SHANK2: variants seen among roughly 807,000 people sequenced by gnomAD.
SHANK2 encodes the protein SH3 and multiple ankyrin repeat domains 2.
A neutral mutation model predicts 133.7 loss-of-function variants in SHANK2; 43 were observed. The observed-to-expected ratio is 0.32, with a 90% confidence interval of 0.25 to 0.41. The LOEUF (loss-of-function observed/expected upper bound fraction) is 0.41, where lower values mean the gene tolerates loss of function less well. Among genes scored for constraint, SHANK2 ranks in the 10% least tolerant of loss-of-function variants. The pLI is 1.00. For missense variants in SHANK2, 1,994 were observed against 2,235.8 expected (o/e 0.89, Z 2.18); for synonymous variants, 1,017 against 952.8 (o/e 1.07, Z -1.24).
chr11:70,506,567 C>G (rs2059139889), intron 17 of SHANK2, among the ~76,000 whole-genome samples: 1 of 152,172 alleles, frequency 6.6e-6, no homozygotes, highest in African/African-American at 2.4e-5. Context: ...ATCTGATGCC[C>G]CTCTGACGTC....
intron 17 of SHANK2, 68 bp from the exon 18 acceptor site, chr11:70,502,999 A>G: frequency 6.4e-7 from 1 of 1,571,010 alleles, no homozygotes; most frequent in Non-Finnish European, 8.8e-7. Context: ...GCACCCACCC[A>G]AGGCAGAGAC....
At chr11:70,663,526 G>A (rs552988999) in intron 15 of SHANK2, among the ~76,000 whole-genome samples, 12 of 152,312 alleles carry the variant, frequency 7.9e-5, no homozygotes, top group African/African-American at 1.7e-4. Flanking sequence ...TCAGAGGGTC[G>A]TGCATGGAGG....
intron 2 of SHANK2, among the ~76,000 whole-genome samples, chr11:71,223,204 T>C (rs1477724853): frequency 6.6e-6 from 1 of 152,244 alleles, no homozygotes; most frequent in African/African-American, 2.4e-5. Flanking sequence ...CCAACTGCGA[T>C]GGTGGCCAGG....
chr11:70,712,664 T>G (rs1945815324), intron 14 of SHANK2, among the ~76,000 whole-genome samples: 3 of 152,236 alleles, frequency 2.0e-5, no homozygotes, highest in African/African-American at 7.2e-5. Context: ...TCCTGGAGAC[T>G]CCTCCTGCAA....
chr11:70,534,684 T>A (rs1478700154), intron 17 of SHANK2, among the ~76,000 whole-genome samples: 1 of 152,178 alleles, frequency 6.6e-6, no homozygotes, highest in Admixed American at 6.5e-5. Context: ...CTAAGACTGC[T>A]GGGGAGTCCA....
intron 12 of SHANK2, among the ~76,000 whole-genome samples, chr11:70,814,458 C>A (rs1285133623): frequency 6.6e-6 from 1 of 152,206 alleles, no homozygotes; most frequent in African/African-American, 2.4e-5. Flanking sequence ...CAAGCAGGAG[C>A]CGCAGTCCTG....
chr11:70,520,006 C>T (rs1371329539), intron 17 of SHANK2, among the ~76,000 whole-genome samples: 1 of 151,814 alleles, frequency 6.6e-6, no homozygotes, highest in Non-Finnish European at 1.5e-5. Flanking sequence ...CCTCAGCCTC[C>T]CAAAGTGTTG....
At position 70,472,855 on chromosome 11, in the gene SHANK2, G is replaced by A. The variant is rs1555148951; in HGVS notation, c.*14C>T. The A allele has an allele frequency of 1.2e-6, 2 of 1,612,418 alleles. No homozygotes were observed. The highest frequency in any genetic ancestry group is 1.7e-6 in the Non-Finnish European group (2 of 1,178,410). On this transcript the variant is annotated 3_prime_UTR_variant, in exon 26 of 26. Coordinates refer to ENST00000601538, the MANE Select transcript of SHANK2 (RefSeq NM_012309.5). This position sits in a 1 kb window ranked among gnomAD's most constrained non-coding sequence, Gnocchi z 4.4. ...TATAACAAGAGCAGTCTGCGAGGTG[G>A]AGAGCAGCCGTCCTTATCTGTCCAG... is the stretch of plus-strand genomic sequence containing the variant.
intron 9 of SHANK2, among the ~76,000 whole-genome samples, chr11:71,071,545 G>A (rs1192922210): frequency 6.6e-6 from 1 of 152,228 alleles, no homozygotes; most frequent in Non-Finnish European, 1.5e-5. Context: ...ATTTTGCCCT[G>A]GCTATGTCTC....
chr11:70,688,430 T>C (rs2134427349), intron 15 of SHANK2, among the ~76,000 whole-genome samples: 1 of 152,220 alleles, frequency 6.6e-6, no homozygotes, highest in African/African-American at 2.4e-5. Context: ...TAATTTCGCA[T>C]CACTGAGTAC....
intron 15 of SHANK2, among the ~76,000 whole-genome samples, chr11:70,662,810 G>A (rs1555013848): frequency 6.6e-6 from 1 of 152,164 alleles, no homozygotes; most frequent in African/African-American, 2.4e-5. Context: ...CACCCAGAGT[G>A]TGTGGGACGG....
chr11:71,187,778 C>T (rs140184304), intron 2 of SHANK2, among the ~76,000 whole-genome samples: 74 of 152,296 alleles, frequency 4.9e-4, no homozygotes, highest in African/African-American at 1.1e-3. Context: ...GTTTGTACTG[C>T]GAGCAGCCTT....
chr11:70,626,666 G>A (rs1312594706), intron 17 of SHANK2, among the ~76,000 whole-genome samples: 6 of 152,312 alleles, frequency 3.9e-5, no homozygotes, highest in South Asian at 2.1e-4. Context: ...AGGAGAGACC[G>A]ATGGCTCCAG....
intron 6 of SHANK2, among the ~76,000 whole-genome samples, chr11:71,098,089 G>A (rs561686058): frequency 6.8e-5 from 10 of 148,014 alleles, no homozygotes; most frequent in Admixed American, 6.7e-4. Context: ...CATGCCTGTT[G>A]TGTATGCAGG....
At chr11:71,233,509 G>T (rs1428654331) in intron 1 of SHANK2, among the ~76,000 whole-genome samples, 1 of 152,142 alleles carries the variant, frequency 6.6e-6, no homozygotes, top group Non-Finnish European at 1.5e-5. Context: ...GATGGTTTTG[G>T]CGTCTTTATT....
Position 70,658,244 on chromosome 11 carries a change from CAG to C in SHANK2, c.2061+1582_2061+1583del, listed in dbSNP as rs879962687. Among the ~76,000 whole-genome samples, 636 of 70,356 alleles carry C rather than the reference CAG, an allele frequency of 9.0e-3. 9 individuals are homozygous for C. Among genetic ancestry groups the C allele is most frequent in the Non-Finnish European group, 0.016 (486 of 30,606 alleles). The allele number at this position is 70,356 out of a possible 152,430, so 46.2% of individuals were successfully genotyped here. ...ACACACACACACACACACACACACA[CAG>C]ACACACACACACACACAGACACACA... On this transcript the variant is annotated intron_variant, in intron 17 of 25. Coordinates refer to ENST00000601538, the MANE Select transcript of SHANK2 (RefSeq NM_012309.5).
chr11:71,068,378 G>A (rs1951096310), intron 9 of SHANK2, among the ~76,000 whole-genome samples: 1 of 152,198 alleles, frequency 6.6e-6, no homozygotes, highest in African/African-American at 2.4e-5. Context: ...AAGCTCAAGG[G>A]CTGTAAGACT....
At chr11:70,580,860 G>T (rs973251752) in intron 17 of SHANK2, among the ~76,000 whole-genome samples, 2 of 152,204 alleles carry the variant, frequency 1.3e-5, no homozygotes, top group Admixed American at 6.5e-5. Context: ...ACCCTGGGGG[G>T]CTCACCTCCT....
chr11:71,147,650 G>A (rs1590957938), intron 2 of SHANK2, among the ~76,000 whole-genome samples: 1 of 152,192 alleles, frequency 6.6e-6, no homozygotes, highest in African/African-American at 2.4e-5. Flanking sequence ...AGCTAGCCAC[G>A]GGGATGACCA....
Sources: gnomAD v4.1 joint callset for allele counts (sites outside exome capture counted in the v4.1 genomes callset) on GRCh38, gnomAD v4.1.1 for gene constraint, Gnocchi (gnomAD v3.1) non-coding constraint, MANE v1.5 for transcripts, NCBI Gene and HGNC (gene_info 2026-07-23, HGNC 2026-07-21) for gene names.